Variants in ALCAM observed in about 807,000 individuals in gnomAD.
The protein encoded by ALCAM is CD166 antigen.
A neutral mutation model predicts 70.9 loss-of-function variants in ALCAM; 30 were observed. The observed-to-expected ratio is 0.42, with a 90% CI of 0.32 to 0.57. The LOEUF (loss-of-function observed/expected upper bound fraction) is 0.57, where lower values mean the gene tolerates loss of function less well. ALCAM is among the 20% of genes least tolerant of loss of function. ALCAM has a pLI of 0.11. For synonymous variants in ALCAM, 249 were observed against 242.5 expected, an observed-to-expected ratio of 1.03 and a Z score of -0.25; for missense variants, 591 against 695.1, an observed-to-expected ratio of 0.85 and a Z score of 1.68.
rs1936603708 is a variant in ALCAM at position 105,419,990 on chromosome 3, G to A, written c.73+52509G>A. Among the ~76,000 whole-genome samples, 5 of 151,802 alleles carry A rather than the reference G, an allele frequency of 3.3e-5. No individual in the cohort carries two copies. The South Asian group carries it at 1.0e-3, about 31-fold the overall frequency. On this transcript the variant is annotated intron_variant, in intron 1 of 15. Coordinates refer to ENST00000306107, the MANE Select transcript of ALCAM (RefSeq NM_001627.4). ...CTGGATATATAGATGGAAGACGGGT[G>A]AGTCAGAGAAAGAGATAAAGACTTT...
intron 1 of ALCAM, among the ~76,000 whole-genome samples, chr3:105,496,426 G>GA (rs1938738831): frequency 6.6e-6 from 1 of 152,144 alleles, no homozygotes; most frequent in Non-Finnish European, 1.5e-5. Context: ...AAGAAAAAGA[G>GA]AAAAATGGGA....
chr3:105,480,788 G>C (rs1189416125), intron 1 of ALCAM, among the ~76,000 whole-genome samples: 10 of 152,226 alleles, frequency 6.6e-5, no homozygotes, highest in Non-Finnish European at 1.5e-4. Context: ...AGTATTTTCT[G>C]AGAACAATTT....
chr3:105,524,865 T>C, intron 3 of ALCAM: 1 of 1,004,760 alleles, frequency 1.0e-6, no homozygotes, highest in Non-Finnish European at 1.2e-6. Flanking sequence ...GATATATATG[T>C]AATCATGTAT....
intron 1 of ALCAM, among the ~76,000 whole-genome samples, chr3:105,420,004 G>A (rs1042095477): frequency 1.3e-5 from 2 of 151,666 alleles, no homozygotes; most frequent in African/African-American, 4.8e-5. Context: ...CAGAGAAAGA[G>A]ATAAAGACTT....
chr3:105,387,153 C>G (rs528506969), intron 1 of ALCAM, among the ~76,000 whole-genome samples: 1 of 151,584 alleles, frequency 6.6e-6, no homozygotes, highest in South Asian at 2.1e-4. Context: ...AGTAGTCTCA[C>G]AGGCTGAGCG....
Position 105,464,800 on chromosome 3 carries a change from TGAA to T in ALCAM, c.74-55263_74-55261del, listed in dbSNP as rs990213820. On this transcript the variant is annotated intron_variant, in intron 1 of 15. Coordinates refer to ENST00000306107, the MANE Select transcript of ALCAM (RefSeq NM_001627.4). ...GAAATATTAGTATGCATGCCATCCT[TGAA>T]GAATATTTTAAAAATATAATTTACA... Among the ~76,000 whole-genome samples the T allele has an allele frequency of 2.2e-4, 33 of 151,502 alleles. 1 individual carries two copies. The highest frequency in any genetic ancestry group is 2.1e-3 in the Admixed American group (32 of 15,146).
chr3:105,526,745 G>A lies in ALCAM; in HGVS notation c.394+2237G>A, dbSNP rs866621393. Among the ~76,000 whole-genome samples, 15 of 152,218 alleles carry A rather than the reference G, an allele frequency of 9.9e-5. No individual in the cohort carries two copies. In the Middle Eastern group the frequency reaches 0.02, roughly 207 times the overall value. The stretch of plus-strand genomic sequence containing the variant: ...GTTTTGTTTTCAATGAATTTACTTT[G>A]GGTCACTTTCTGTGAAGCAAAAAGC... On this transcript the variant is annotated intron_variant, in intron 3 of 15. Coordinates refer to ENST00000306107, the MANE Select transcript of ALCAM (RefSeq NM_001627.4).
At chr3:105,463,201 A>G (rs1247175197) in intron 1 of ALCAM, among the ~76,000 whole-genome samples, 2 of 151,468 alleles carry the variant, frequency 1.3e-5, no homozygotes, top group Non-Finnish European at 3.0e-5. Context: ...GGACCATTCC[A>G]GTATTGAAAT....
rs372048444 is a variant in ALCAM at position 105,438,291 on chromosome 3, A to G, written c.73+70810A>G. On this transcript the variant is annotated intron_variant, in intron 1 of 15. Coordinates refer to ENST00000306107, the MANE Select transcript of ALCAM (RefSeq NM_001627.4). ...TATACTTAACATGTTTGCTTTTTACATAATTCCCCCATATTGCTGACATAA... is the reference window on the plus strand; with the variant it reads ...TATACTTAACATGTTTGCTTTTTACGTAATTCCCCCATATTGCTGACATAA... Among the ~76,000 whole-genome samples, 21 of 152,206 alleles carry G rather than the reference A, an allele frequency of 1.4e-4. 1 individual carries two copies. The South Asian group carries it at 4.4e-3, about 32-fold the overall frequency.
rs541671967 is a variant in ALCAM, at chr3:105,503,546, T to C, written c.74-16521T>C. Among the ~76,000 whole-genome samples the C allele has an allele frequency of 2.6e-5, 4 of 151,010 alleles. No individual in the cohort carries two copies. In the South Asian group the frequency reaches 8.3e-4, roughly 31 times the overall value. The stretch of plus-strand genomic sequence containing the variant: ...ACCTAAACACTTTAACACGATTACC[T>C]TCCCCGAGTCCCTTCTCCAGCTAGT... On this transcript the variant is annotated intron_variant, in intron 1 of 15. Coordinates refer to ENST00000306107, the MANE Select transcript of ALCAM (RefSeq NM_001627.4).
chr3:105,417,437 A>G (rs1456639091), intron 1 of ALCAM, among the ~76,000 whole-genome samples: 1 of 151,324 alleles, frequency 6.6e-6, no homozygotes, highest in Non-Finnish European at 1.5e-5. Flanking sequence ...AAAAATAGAT[A>G]TTTTGTATTA....
chr3:105,471,272 C>G (rs1403389955), intron 1 of ALCAM, among the ~76,000 whole-genome samples: 7 of 151,130 alleles, frequency 4.6e-5, no homozygotes, highest in Admixed American at 4.6e-4. Flanking sequence ...GAATTTAAAT[C>G]CAGTCTGGTC....
chr3:105,393,962 C>A (rs1208349668), intron 1 of ALCAM, among the ~76,000 whole-genome samples: 1 of 151,744 alleles, frequency 6.6e-6, no homozygotes, highest in African/African-American at 2.4e-5. Flanking sequence ...TAGATAATTG[C>A]AAATTTGGAA....
chr3:105,421,997 T>A (rs1377494520), intron 1 of ALCAM, among the ~76,000 whole-genome samples: 1 of 151,342 alleles, frequency 6.6e-6, no homozygotes, highest in East Asian at 1.9e-4. Context: ...CACTCCCAAT[T>A]TTCCCACTTG....
chr3:105,501,507 C>T (rs1351236403), intron 1 of ALCAM, among the ~76,000 whole-genome samples: 2 of 151,970 alleles, frequency 1.3e-5, no homozygotes, highest in Non-Finnish European at 2.9e-5. Flanking sequence ...ATGCAAGATG[C>T]TCCAGATGTT....
chr3:105,472,155 T>G (rs1229178389), intron 1 of ALCAM, among the ~76,000 whole-genome samples: 1 of 151,438 alleles, frequency 6.6e-6, no homozygotes, highest in African/African-American at 2.4e-5. Flanking sequence ...GAATAGATTA[T>G]CACCCTCATG....
intron 1 of ALCAM, among the ~76,000 whole-genome samples, chr3:105,496,858 A>G (rs1938756924): frequency 7.3e-6 from 1 of 137,216 alleles, no homozygotes; most frequent in Non-Finnish European, 1.6e-5. Context: ...GTGTGTGTGC[A>G]TGCGTGTGTG....
At chr3:105,519,814 T>C (rs1218283402) in intron 1 of ALCAM, among the ~76,000 whole-genome samples, 1 of 152,140 alleles carries the variant, frequency 6.6e-6, no homozygotes, top group Non-Finnish European at 1.5e-5. Context: ...TCTAGTAAAA[T>C]TGGAGATCTG....
chr3:105,526,126 C>T (rs953424096), intron 3 of ALCAM, among the ~76,000 whole-genome samples: 6 of 152,028 alleles, frequency 3.9e-5, no homozygotes, highest in African/African-American at 1.4e-4. Context: ...GGTTAAGTCA[C>T]AGCACTCTAA....
Sources: gnomAD v4.1 joint callset for allele counts (sites outside exome capture counted in the v4.1 genomes callset) on GRCh38, gnomAD v4.1.1 for gene constraint, MANE v1.5 for transcripts, NCBI Gene and HGNC (gene_info 2026-07-23, HGNC 2026-07-21) for gene names.